ABCC9: variants seen among roughly 807,000 people sequenced by gnomAD.
The protein encoded by ABCC9 is ATP-binding cassette sub-family C member 9.
ABCC9 carries 95 observed loss-of-function variants against 188.3 expected under a neutral mutation model. That is an observed-to-expected ratio of 0.50 (90% CI 0.43 to 0.60). ABCC9 has a LOEUF of 0.60. Ranked by LOEUF, ABCC9 falls within the 20% of genes least tolerant of loss-of-function variation. The probability of loss-of-function intolerance (pLI) is 0.00; values close to 1 mark genes in which losing one functional copy is unlikely to be tolerated. For missense variants in ABCC9, 1,102 were observed against 1,876.3 expected (o/e 0.59, Z 7.62); for synonymous variants, 659 against 652.7 (o/e 1.01, Z -0.15).
chr12:21,862,728 T>C (rs1174253122), intron 20 of ABCC9, among the ~76,000 whole-genome samples: 2 of 152,156 alleles, frequency 1.3e-5, no homozygotes, highest in Non-Finnish European at 1.5e-5. Context: ...TGTTTAGTTT[T>C]GGTGTACAAA....
intron 33 of ABCC9, among the ~76,000 whole-genome samples, chr12:21,816,165 A>G (rs774452420): frequency 1.3e-5 from 2 of 148,856 alleles, no homozygotes; most frequent in African/African-American, 4.9e-5. Flanking sequence ...AGCCTTAACC[A>G]TCATCATCTC....
At chr12:21,802,565 TTAAG>T (rs1474835462) in intron 39 of ABCC9, among the ~76,000 whole-genome samples, 1 of 152,236 alleles carries the variant, frequency 6.6e-6, no homozygotes, top group East Asian at 1.9e-4. Flanking sequence ...TCTATTAGTA[TTAAG>T]TCTTTGAAAT....
intron 15 of ABCC9, among the ~76,000 whole-genome samples, chr12:21,886,809 C>A (rs1233215305): frequency 6.6e-6 from 1 of 152,078 alleles, no homozygotes; most frequent in African/African-American, 2.4e-5. Flanking sequence ...TAATTCCTAC[C>A]TCAAGATCTT....
chr12:21,830,493 C>G (rs1943693045), intron 30 of ABCC9, among the ~76,000 whole-genome samples: 1 of 152,156 alleles, frequency 6.6e-6, no homozygotes, highest in Non-Finnish European at 1.5e-5. Context: ...GGATAAAACA[C>G]TTCCCCCACT....
At chr12:21,855,544 G>T (rs937455959) in intron 22 of ABCC9, among the ~76,000 whole-genome samples, 3 of 152,042 alleles carry the variant, frequency 2.0e-5, no homozygotes, top group African/African-American at 7.2e-5. Flanking sequence ...TTACATGTTA[G>T]AAGTTAGTAA....
chr12:21,815,834 A>G lies in ABCC9; in HGVS notation c.3952T>C (p.Cys1318Arg). Residue 1318 changes from cysteine to arginine, a missense_variant, in exon 34 of 40, where the codon TGT becomes CGT. Coordinates refer to ENST00000261200, the MANE Select transcript of ABCC9 (RefSeq NM_020297.4). ...TTCAGATTATTTTCATATCTGACACACAGATCATGTATCTTGATCTCCCCT... is the reference window on the plus strand; with the variant it reads ...TTCAGATTATTTTCATATCTGACACGCAGATCATGTATCTTGATCTCCCCT... ...QEGEIKIHDL[C>R]VRYENNLKPV... 1.2e-6 allele frequency: 2 copies of G among 1,613,048 alleles called. No individual in the cohort carries two copies. The highest frequency in any genetic ancestry group is 1.7e-6 in the Non-Finnish European group (2 of 1,179,244).
chr12:21,838,229 GTTTATTC>G, intron 29 of ABCC9, 59 bp from the exon 30 acceptor site: 1 of 1,197,276 alleles, frequency 8.4e-7, no homozygotes, highest in Non-Finnish European at 1.2e-6. Flanking sequence ...AGACTACCAT[GTTTATTC>G]TTTAAGAGAA....
chr12:21,913,819 G>A (rs1302865690), intron 7 of ABCC9, among the ~76,000 whole-genome samples: 1 of 152,086 alleles, frequency 6.6e-6, no homozygotes, highest in Non-Finnish European at 1.5e-5. Context: ...ATTGTGACAA[G>A]GAAGTCAACT....
chr12:21,871,841 C>T (rs1018199040), intron 18 of ABCC9, among the ~76,000 whole-genome samples: 8 of 152,190 alleles, frequency 5.3e-5, no homozygotes, highest in Non-Finnish European at 1.0e-4. Context: ...AAAAATCACA[C>T]CCGTTTGAGA....
chr12:21,852,343 G>A, intron 23 of ABCC9, 25 bp downstream of exon 23: 1 of 1,613,618 alleles, frequency 6.2e-7, no homozygotes, highest in Non-Finnish European at 8.5e-7. Context: ...ATAAAAATGA[G>A]CAAAATTCTC....
intron 10 of ABCC9, among the ~76,000 whole-genome samples, chr12:21,909,386 T>C (rs1301342533): frequency 6.6e-6 from 1 of 151,920 alleles, no homozygotes; most frequent in African/African-American, 2.4e-5. Flanking sequence ...GGGACTTAGA[T>C]GACAGATTTT....
intron 22 of ABCC9, among the ~76,000 whole-genome samples, chr12:21,858,175 A>T (rs1173048190): frequency 1.3e-5 from 2 of 152,098 alleles, no homozygotes; most frequent in East Asian, 3.9e-4. Flanking sequence ...CACCCAGGGG[A>T]CCTCAGTCCC....
In ABCC9 at chr12:21,852,428, A is replaced by G. The variant is rs1565740446; in HGVS notation, c.2583T>C (p.Asp861=). 1 of 1,613,782 alleles carries G rather than the reference A, an allele frequency of 6.2e-7. No individual in the cohort carries two copies. Among genetic ancestry groups the G allele is most frequent in the Non-Finnish European group, 8.5e-7 (1 of 1,179,968 alleles). ...TCACAAGAACGAGTGTCCTTTTGTC[A>G]TCTTGCAGGAATTTCAAAATCCCCT... The part of the protein sequence containing the change: ...MQEGILKFLQ[D]DKRTLVLVTH... The change falls in exon 23 of 40, where the codon GAT becomes GAC. Residue 861 remains aspartate (D), a synonymous_variant. Coordinates refer to ENST00000261200, the MANE Select transcript of ABCC9 (RefSeq NM_020297.4).
chr12:21,858,854 G>A lies in ABCC9; in HGVS notation c.2505+732C>T, dbSNP rs148305919. Among the ~76,000 whole-genome samples, 6 of 152,206 alleles carry A rather than the reference G, an allele frequency of 3.9e-5. No individual in the cohort carries two copies. In the East Asian group the frequency reaches 1.2e-3, roughly 29 times the overall value. ...CCAGATTGATAAGTGGTTAATAATT[G>A]TACAGAAGGAGAAGGCAGGGATGCA... is the stretch of plus-strand genomic sequence containing the variant. On this transcript the variant is annotated intron_variant, in intron 22 of 39. Coordinates refer to ENST00000261200, the MANE Select transcript of ABCC9 (RefSeq NM_020297.4).
At chr12:21,851,957 C>A in intron 24 of ABCC9, 140 bp downstream of exon 24, 2 of 1,024,752 alleles carry the variant, frequency 2.0e-6, no homozygotes, top group East Asian at 2.7e-5. Flanking sequence ...TGCAAAGATA[C>A]AATTGCTTTG....
chr12:21,831,464 G>A (rs989771346), intron 30 of ABCC9, among the ~76,000 whole-genome samples: 4 of 152,134 alleles, frequency 2.6e-5, no homozygotes, highest in Admixed American at 6.6e-5. Flanking sequence ...CAACTGTCTA[G>A]TGAAGGGAGG....
At chr12:21,866,276 T>C (rs979570685) in intron 18 of ABCC9, among the ~76,000 whole-genome samples, 1 of 152,162 alleles carries the variant, frequency 6.6e-6, no homozygotes, top group African/African-American at 2.4e-5. Flanking sequence ...AGAAAACTAC[T>C]GAAAAAGGTT....
In ABCC9 at chr12:21,800,510, G is replaced by T. The variant is rs1053882242; in HGVS notation, c.*534C>A. On this transcript the variant is annotated 3_prime_UTR_variant, in exon 40 of 40. Coordinates refer to ENST00000261200, the MANE Select transcript of ABCC9 (RefSeq NM_020297.4). ...ACTTCTTGGTGACAAGAAACAAAAG[G>T]GAAAAAAGAAGGCTCTTAAGAAAAA... The T allele has an allele frequency of 6.5e-6, 1 of 154,808 alleles. No individual in the cohort carries two copies. Among genetic ancestry groups the T allele is most frequent in the East Asian group, 1.9e-4 (1 of 5,308 alleles). 9.6% of individuals were successfully genotyped at this position (154,808 alleles called of 1,614,324 possible).
chr12:21,821,719 T>C (rs2137222776), intron 31 of ABCC9, among the ~76,000 whole-genome samples: 1 of 152,260 alleles, frequency 6.6e-6, no homozygotes, highest in East Asian at 1.9e-4. Context: ...AATGACATGG[T>C]AGATTTGATT....
Sources: gnomAD v4.1 joint callset for allele counts (sites outside exome capture counted in the v4.1 genomes callset) on GRCh38, gnomAD v4.1.1 for gene constraint, MANE v1.5 for transcripts, NCBI Gene and HGNC (gene_info 2026-07-23, HGNC 2026-07-21) for gene names.